Variants in OTULIN observed in about 807,000 individuals in gnomAD.
OTULIN encodes ubiquitin thioesterase otulin.
Under a neutral mutation model 39.6 loss-of-function variants are expected in OTULIN, and 15 were observed. The observed-to-expected ratio is 0.38, with a 90% confidence interval of 0.25 to 0.58. The LOEUF is 0.58. OTULIN is among the 20% of genes least tolerant of loss of function. OTULIN has a pLI of 0.66. For missense variants in OTULIN, 319 were observed against 445.9 expected, an observed-to-expected ratio of 0.72 and a Z score of 2.56; for synonymous variants, 156 against 170.3, an observed-to-expected ratio of 0.92 and a Z score of 0.65.
At chr5:14,673,955 T>C in intron 2 of OTULIN, 1 of 286,538 alleles carries the variant, frequency 3.5e-6, no homozygotes, top group South Asian at 6.3e-5. Flanking sequence ...CCTATGAGGA[T>C]TGTTTTGTTT....
intron 6 of OTULIN, among the ~76,000 whole-genome samples, chr5:14,691,512 A>G (rs1736525240): frequency 6.6e-6 from 1 of 152,222 alleles, no homozygotes; most frequent in Non-Finnish European, 1.5e-5. Context: ...TTGCAGTCAA[A>G]AGGCTTATAG....
chr5:14,679,872 G>T (rs1430189580), intron 3 of OTULIN, among the ~76,000 whole-genome samples: 4 of 152,156 alleles, frequency 2.6e-5, no homozygotes, highest in African/African-American at 9.7e-5. Context: ...CTTAGTTCCT[G>T]CCAGAGGTTA....
chr5:14,685,588 C>T (rs1297504062), intron 4 of OTULIN, among the ~76,000 whole-genome samples: 1 of 152,092 alleles, frequency 6.6e-6, no homozygotes, highest in Non-Finnish European at 1.5e-5. Context: ...TTAAGGATTT[C>T]TGCATTTCCT....
In OTULIN at chr5:14,695,126, T is replaced by G. The variant is rs914805746; in HGVS notation, c.*2078T>G. On this transcript the variant is annotated 3_prime_UTR_variant, in exon 7 of 7. Coordinates refer to ENST00000284274, the MANE Select transcript of OTULIN (RefSeq NM_138348.6). ...TTTCTGGGTAAAAGAATGTGTTTCT[T>G]TTATGTTGCTTATGTCCGAAGGCCT... is the stretch of plus-strand genomic sequence containing the variant. 7 of 152,224 alleles carry G rather than the reference T, an allele frequency of 4.6e-5. No homozygotes were observed. Among genetic ancestry groups the G allele is most frequent in the Non-Finnish European group, 1.0e-4 (7 of 68,044 alleles). 9.4% of individuals were successfully genotyped at this position (152,224 alleles called of 1,614,324 possible).
chr5:14,708,488 C>T, the OTULIN span: 1 of 152,142 alleles, frequency 6.6e-6, no homozygotes, highest in Non-Finnish European at 1.5e-5. Context: ...TCACAAAAGT[C>T]AAAAAGTTGC....
chr5:14,711,320 A>G, the OTULIN span: 3 of 1,611,984 alleles, frequency 1.9e-6, no homozygotes, highest in South Asian at 3.3e-5. Context: ...TCTAGACCAA[A>G]GAAGACTCAT....
At chr5:14,709,574 T>C in the OTULIN span, 2 of 152,206 alleles carry the variant, frequency 1.3e-5, no homozygotes, top group African/African-American at 2.4e-5. Flanking sequence ...CTGAAAACGG[T>C]AGACACAAAG....
chr5:14,687,190 T>C (rs1236556698), intron 4 of OTULIN, among the ~76,000 whole-genome samples: 1 of 152,176 alleles, frequency 6.6e-6, no homozygotes, highest in African/African-American at 2.4e-5. Context: ...GTGAGTCCCA[T>C]AGCCTGAAGG....
chr5:14,712,994 G>T, the OTULIN span: 2 of 1,604,888 alleles, frequency 1.2e-6, no homozygotes, highest in African/African-American at 1.3e-5. Flanking sequence ...GAACACAAAG[G>T]CAATTTGTCT....
rs562531058 is a variant in OTULIN at position 14,675,457 on chromosome 5, C to T, written c.229+1739C>T. Among the ~76,000 whole-genome samples the T allele has an allele frequency of 1.1e-4, 17 of 152,316 alleles. 1 individual carries two copies. Among genetic ancestry groups the T allele is most frequent in the African/African-American group, 3.4e-4 (14 of 41,558 alleles). On this transcript the variant is annotated intron_variant, in intron 2 of 6. Coordinates refer to ENST00000284274, the MANE Select transcript of OTULIN (RefSeq NM_138348.6). Reference sequence around the variant, plus strand: ...GTAGTGATGTGTGGCGGGGCCGCACCGTTCCAGTCTTCCATGAAACTTGAA... The same window carrying T: ...GTAGTGATGTGTGGCGGGGCCGCACTGTTCCAGTCTTCCATGAAACTTGAA...
chr5:14,706,489 A>G, the OTULIN span: 8 of 152,212 alleles, frequency 5.3e-5, no homozygotes, highest in African/African-American at 1.9e-4. Context: ...CACTCTTGAG[A>G]AGAAAATAAA....
intron 6 of OTULIN, among the ~76,000 whole-genome samples, chr5:14,691,526 A>T (rs1217467861): frequency 2.6e-5 from 4 of 151,902 alleles, no homozygotes; most frequent in African/African-American, 9.7e-5. Context: ...CTTATAGAGG[A>T]TGGTTTGCAT....
intron 2 of OTULIN, among the ~76,000 whole-genome samples, chr5:14,677,901 G>A (rs1448925544): frequency 1.3e-5 from 2 of 152,098 alleles, no homozygotes; most frequent in African/African-American, 4.8e-5. Flanking sequence ...TCAGACTGTC[G>A]CGTCTGTAAT....
chr5:14,713,569 T>TGGCGATGAG, the OTULIN span: 1 of 1,614,178 alleles, frequency 6.2e-7, no homozygotes, highest in Non-Finnish European at 8.5e-7. This position sits in a 1 kb window ranked among gnomAD's most constrained non-coding sequence, Gnocchi z 4.4. Context: ...ACCACGAGGC[T>TGGCGATGAG]GGCGATGAGG....
At chr5:14,668,840 C>T (rs1560990621) in intron 1 of OTULIN, among the ~76,000 whole-genome samples, 1 of 152,186 alleles carries the variant, frequency 6.6e-6, no homozygotes, top group Non-Finnish European at 1.5e-5. Context: ...CCTTCGGCTT[C>T]ACTAAGTTCT....
At chr5:14,665,058 G>A (rs1293371915) in intron 1 of OTULIN, 81 bp downstream of exon 1, 4 of 854,770 alleles carry the variant, frequency 4.7e-6, no homozygotes, top group African/African-American at 4.8e-5. Context: ...GTGGGGAGTC[G>A]TCAGCGGAGG....
rs766763778 is a variant in OTULIN at position 14,690,341 on chromosome 5, A to C, written c.864+33A>C. On this transcript the variant is annotated intron_variant, in intron 6 of 6. Transcript: ENST00000284274. This position sits in a 1 kb window ranked among gnomAD's most constrained non-coding sequence, Gnocchi z 4.5. ...GTGCTTTTGAGCATGTATTACCCCA[A>C]AATAAAGCAGCTTTACTGATCAAAC... is the stretch of plus-strand genomic sequence containing the variant. The C allele has an allele frequency of 6.3e-7, 1 of 1,598,960 alleles. No individual in the cohort carries two copies. The highest frequency in any genetic ancestry group is 8.5e-7 in the Non-Finnish European group (1 of 1,172,584).
At chr5:14,686,323 T>G (rs1246579134) in intron 4 of OTULIN, among the ~76,000 whole-genome samples, 1 of 152,200 alleles carries the variant, frequency 6.6e-6, no homozygotes, top group Non-Finnish European at 1.5e-5. Flanking sequence ...TTTTTGGGGA[T>G]GAGGTCTTGC....
chr5:14,668,009 C>A (rs1043497346), intron 1 of OTULIN, among the ~76,000 whole-genome samples: 1 of 152,140 alleles, frequency 6.6e-6, no homozygotes, highest in African/African-American at 2.4e-5. Context: ...TACTCCATGG[C>A]CCTTCTCTGC....
Sources: gnomAD v4.1 joint callset for allele counts (sites outside exome capture counted in the v4.1 genomes callset) on GRCh38, gnomAD v4.1.1 for gene constraint, Gnocchi (gnomAD v3.1) non-coding constraint, MANE v1.5 for transcripts, NCBI Gene and HGNC (gene_info 2026-07-23, HGNC 2026-07-21) for gene names.